Variants in ASMTL observed in about 807,000 individuals in gnomAD.
ASMTL encodes acetylserotonin O-methyltransferase like, also known as probable bifunctional dTTP/UTP pyrophosphatase/methyltransferase protein.
In ASMTL, 57 loss-of-function variants were observed where a neutral mutation model predicts 60.3. The ratio of observed to expected loss-of-function variants is 0.95; its 90% CI spans 0.76 to 1.18. The LOEUF (loss-of-function observed/expected upper bound fraction) is 1.18, where lower values mean the gene tolerates loss of function less well. Among genes scored for constraint, ASMTL ranks in the 50% most tolerant of loss-of-function variants. The pLI is 0.00. For missense variants in ASMTL, 981 were observed against 852.6 expected, an observed-to-expected ratio of 1.15 and a Z score of -1.88; for synonymous variants, 419 against 373.0, an observed-to-expected ratio of 1.12 and a Z score of -1.42.
chrX:1,450,024 C>A (rs1179252876), intron 1 of ASMTL, among the ~76,000 whole-genome samples: 1 of 150,936 alleles, frequency 6.6e-6, no homozygotes, highest in Non-Finnish European at 1.5e-5. Flanking sequence ...TCTCCCATCA[C>A]CAGTAACTAT....
At chrX:1,424,803 T>G (rs1385890429) in intron 8 of ASMTL, among the ~76,000 whole-genome samples, 1 of 113,248 alleles carries the variant, frequency 8.8e-6, no homozygotes, top group Admixed American at 9.1e-5. Context: ...CCCACCCATC[T>G]ACCCACCCTT....
chrX:1,420,023 A>C (rs1168953806), intron 9 of ASMTL, among the ~76,000 whole-genome samples: 20 of 102,804 alleles, frequency 1.9e-4, no homozygotes, highest in Middle Eastern at 5.4e-3. Flanking sequence ...GTTTCTTTCT[A>C]TCTCCCTCTG....
intron 8 of ASMTL, among the ~76,000 whole-genome samples, chrX:1,424,775 C>T (rs1262159439): frequency 6.6e-6 from 1 of 151,628 alleles, no homozygotes; most frequent in Non-Finnish European, 1.5e-5. Context: ...CTCATCCATC[C>T]ACCCATCCAT....
intron 11 of ASMTL, chrX:1,413,868 G>A (rs1250252849): frequency 1.3e-5 from 2 of 151,570 alleles, no homozygotes; most frequent in African/African-American, 4.9e-5. Context: ...CCCAGGAGCT[G>A]GAAGAGGCGG....
intron 9 of ASMTL, among the ~76,000 whole-genome samples, chrX:1,421,209 C>T (rs1293634435): frequency 2.6e-5 from 4 of 152,060 alleles, no homozygotes; most frequent in Non-Finnish European, 5.9e-5. Context: ...AGGTGATCAG[C>T]CCACCTTGGC....
In ASMTL at chrX:1,432,332, T is replaced by C; in HGVS notation, c.446A>G (p.Lys149Arg). The C allele has an allele frequency of 6.2e-7, 1 of 1,612,844 alleles. No homozygotes were observed. Among genetic ancestry groups the C allele is most frequent in the African/African-American group, 1.3e-5 (1 of 74,898 alleles). ...TRVSEFYEET[K>R]VKFSELSEEL... ...CTCGGACAGCTCCGAGAACTTCACC[T>C]TCGTTTCCTCGTAGAATTCCGAGAC... Residue 149 changes from lysine to arginine, a missense_variant, in exon 6 of 13, where the codon AAG becomes AGG. Physicochemically the swap from Lys to Arg is conservative, Grantham distance 26. Transcript: ENST00000381317.
At position 1,425,587 on chromosome X, in the gene ASMTL, C is replaced by T. The variant is rs774692923; in HGVS notation, c.998G>A (p.Cys333Tyr). 4.3e-6 allele frequency: 7 copies of T among 1,613,670 alleles called. No individual in the cohort carries two copies. The South Asian group carries it at 4.4e-5, about 10-fold the overall frequency. ...DIASKVDASA[C>Y]GMERLLDICA... ...GATGTCCAGAAGCCTCTCCATTCCA[C>T]ACGCAGAGGCGTCCACTTTGCTGGC... The change falls in exon 8 of 13, where the codon TGT becomes TAT. Residue 333 changes from cysteine (C) to tyrosine (Y), a missense_variant. By Grantham distance (194) the Cys-to-Tyr change is radical (BLOSUM62 -2). Coordinates refer to ENST00000381317, the MANE Select transcript of ASMTL (RefSeq NM_004192.4).
intron 5 of ASMTL, among the ~76,000 whole-genome samples, chrX:1,433,212 C>T (rs1321409253): frequency 6.6e-6 from 1 of 152,100 alleles, no homozygotes; most frequent in African/African-American, 2.4e-5. Context: ...AGGCGTTTTG[C>T]TATGTGGTGA....
intron 11 of ASMTL, among the ~76,000 whole-genome samples, chrX:1,416,366 CGCAG>C: frequency 8.5e-6 from 1 of 118,090 alleles, no homozygotes; most frequent in South Asian, 2.6e-4. Flanking sequence ...CACACACAGA[CGCAG>C]ACATGCACAG....
At chrX:1,415,214 T>C (rs1603450640) in intron 11 of ASMTL, among the ~76,000 whole-genome samples, 3 of 151,924 alleles carry the variant, frequency 2.0e-5, no homozygotes, top group African/African-American at 7.2e-5. Flanking sequence ...GGGCTGGGAT[T>C]CCAGGCGTCT....
At chrX:1,416,332 C>T (rs62638265) in intron 11 of ASMTL, among the ~76,000 whole-genome samples, 96,258 of 130,016 alleles carry the variant, frequency 0.74, 34,366 homozygotes, top group South Asian at 0.87. Context: ...CACACACACA[C>T]GGACATACAG....
rs190342684 is a variant in ASMTL at position 1,404,860 on chromosome X, T to A, written c.1646-1371A>T. Among the ~76,000 whole-genome samples the A allele has an allele frequency of 5.2e-3, 691 of 134,164 alleles. 6 individuals are homozygous for A. The highest frequency in any genetic ancestry group is 0.019 in the African/African-American group (656 of 35,234). The allele number at this position is 134,164 out of a possible 152,430, so 88.0% of individuals were successfully genotyped here. The stretch of plus-strand genomic sequence containing the variant: ...GATGGATAGGTAGGAAGATGAATAG[T>A]TGGATGCATGGATGAGATGGATGGT... On this transcript the variant is annotated intron_variant, in intron 12 of 12. Coordinates refer to ENST00000381317, the MANE Select transcript of ASMTL (RefSeq NM_004192.4).
rs1456408842 is a variant in ASMTL, at chrX:1,407,510, GAA to G, written c.1646-4023_1646-4022del. Among the ~76,000 whole-genome samples, 134 of 152,056 alleles carry G rather than the reference GAA, an allele frequency of 8.8e-4. 5 individuals are homozygous for G. The highest frequency in any genetic ancestry group is 3.1e-3 in the African/African-American group (128 of 41,428). On this transcript the variant is annotated intron_variant, in intron 12 of 12. Transcript: ENST00000381317. ...GCATGGATGAGATGGATGGATGGGTGAATATATGGTAGATGATGGGTAGGTAG... is the reference window on the plus strand; with the variant it reads ...GCATGGATGAGATGGATGGATGGGTGTATATGGTAGATGATGGGTAGGTAG...
intron 3 of ASMTL, among the ~76,000 whole-genome samples, chrX:1,437,141 A>G (rs1349410146): frequency 6.6e-6 from 1 of 151,680 alleles, no homozygotes; most frequent in African/African-American, 2.4e-5. Flanking sequence ...TATAAACAAC[A>G]GGCAGTGATT....
At chrX:1,418,140 C>A (rs759887917) in intron 10 of ASMTL, 24 bp from the exon 11 acceptor site, 1 of 1,575,162 alleles carries the variant, frequency 6.3e-7, no homozygotes, top group South Asian at 1.2e-5. Flanking sequence ...AATGCATGCT[C>A]TGTGGCTGGG....
At chrX:1,410,550 A>G (rs1385749907) in intron 12 of ASMTL, among the ~76,000 whole-genome samples, 1 of 152,020 alleles carries the variant, frequency 6.6e-6, no homozygotes, top group Non-Finnish European at 1.5e-5. Context: ...AGTAGCTAGA[A>G]TTAGAGGCGT....
chrX:1,415,519 G>A (rs1208354131), intron 11 of ASMTL, among the ~76,000 whole-genome samples: 1 of 149,276 alleles, frequency 6.7e-6, no homozygotes, highest in Non-Finnish European at 1.5e-5. Context: ...AGGCTGGAGT[G>A]CAGTGGTGAG....
intron 11 of ASMTL, 65 bp downstream of exon 11, chrX:1,417,908 C>G: frequency 6.5e-7 from 1 of 1,542,540 alleles, no homozygotes; most frequent in Admixed American, 1.9e-5. Flanking sequence ...CAGCCATGCC[C>G]TCTGTCTAGA....
At chrX:1,405,784 A>T (rs2089805571) in intron 12 of ASMTL, among the ~76,000 whole-genome samples, 1 of 151,618 alleles carries the variant, frequency 6.6e-6, no homozygotes, top group Admixed American at 6.6e-5. Context: ...AGGAAGATGA[A>T]TAGATGGATG....
Sources: gnomAD v4.1 joint callset for allele counts (sites outside exome capture counted in the v4.1 genomes callset) on GRCh38, gnomAD v4.1.1 for gene constraint, MANE v1.5 for transcripts, NCBI Gene and HGNC (gene_info 2026-07-23, HGNC 2026-07-21) for gene names.